Variants in FRMD4A observed in about 807,000 individuals in gnomAD.
FRMD4A encodes the protein FERM domain containing 4A, also known as FERM domain-containing protein 4A.
Under a neutral mutation model 129.1 loss-of-function variants are expected in FRMD4A, and 29 were observed. The observed-to-expected ratio is 0.22, with a 90% confidence interval of 0.17 to 0.31. FRMD4A has a LOEUF of 0.31. FRMD4A is among the 10% of genes least tolerant of loss of function. FRMD4A has a pLI of 1.00. For synonymous variants in FRMD4A, 634 were observed against 571.6 expected (o/e 1.11, Z -1.56); for missense variants, 1,272 against 1,375.8 (o/e 0.92, Z 1.19).
intron 2 of FRMD4A, among the ~76,000 whole-genome samples, chr10:14,103,767 T>C (rs901492178): frequency 3.3e-5 from 5 of 152,228 alleles, no homozygotes; most frequent in Middle Eastern, 3.2e-3. Flanking sequence ...GAGTCATTAT[T>C]GGAATAATTA....
At chr10:13,979,589 TTAACCTA>T (rs1243305303) in intron 2 of FRMD4A, among the ~76,000 whole-genome samples, 2 of 152,228 alleles carry the variant, frequency 1.3e-5, no homozygotes, top group Non-Finnish European at 2.9e-5. Flanking sequence ...ACACTTTGTT[TTAACCTA>T]TAACTTAAAT....
At chr10:14,196,004 T>C (rs1842461716) in intron 2 of FRMD4A, among the ~76,000 whole-genome samples, 1 of 152,168 alleles carries the variant, frequency 6.6e-6, no homozygotes, top group South Asian at 2.1e-4. Context: ...GAAAGATCAG[T>C]GGAGGCAGGA....
At chr10:14,287,083 T>C (rs1845703776) in intron 2 of FRMD4A, among the ~76,000 whole-genome samples, 1 of 152,124 alleles carries the variant, frequency 6.6e-6, no homozygotes, top group African/African-American at 2.4e-5. Flanking sequence ...TCTTCTGACT[T>C]CACCCACCAG....
intron 22 of FRMD4A, chr10:13,654,748 C>T (rs1438121134): frequency 2.7e-5 from 15 of 555,598 alleles, no homozygotes; most frequent in Non-Finnish European, 4.8e-5. Context: ...CTACCCACTA[C>T]CATGCACCTT....
At chr10:13,797,276 A>G (rs961865943) in intron 4 of FRMD4A, among the ~76,000 whole-genome samples, 1 of 152,230 alleles carries the variant, frequency 6.6e-6, no homozygotes, top group African/African-American at 2.4e-5. Flanking sequence ...ACTTGAAAAC[A>G]TGTTAGCAAT....
At chr10:14,165,550 G>C (rs910328556) in intron 2 of FRMD4A, among the ~76,000 whole-genome samples, 1 of 152,146 alleles carries the variant, frequency 6.6e-6, no homozygotes, top group African/African-American at 2.4e-5. Context: ...CTACCGAAAA[G>C]ACACATTTCT....
chr10:14,308,469 T>C (rs2132101167), intron 2 of FRMD4A, among the ~76,000 whole-genome samples: 1 of 152,344 alleles, frequency 6.6e-6, no homozygotes, highest in Non-Finnish European at 1.5e-5. Context: ...TCTGTTTCCA[T>C]AATTAGAAAA....
chr10:14,150,875 G>A (rs1840306626), intron 2 of FRMD4A, among the ~76,000 whole-genome samples: 1 of 152,134 alleles, frequency 6.6e-6, no homozygotes, highest in Admixed American at 6.5e-5. Context: ...CACCAAGGCA[G>A]GTTATCAATT....
At chr10:13,869,334 TGAAGA>T (rs2094412946) in intron 2 of FRMD4A, among the ~76,000 whole-genome samples, 1 of 152,212 alleles carries the variant, frequency 6.6e-6, no homozygotes, top group Non-Finnish European at 1.5e-5. Flanking sequence ...GGCATCTCGC[TGAAGA>T]GGAACTCCTA....
chr10:13,948,290 G>A (rs944165819), intron 2 of FRMD4A, among the ~76,000 whole-genome samples: 2 of 152,106 alleles, frequency 1.3e-5, no homozygotes, highest in African/African-American at 4.8e-5. Flanking sequence ...GGGCTCAAGC[G>A]ATCCTCCCTC....
At chr10:13,756,244 T>C (rs1158027771) in intron 8 of FRMD4A, 1 of 152,270 alleles carries the variant, frequency 6.6e-6, no homozygotes, top group Non-Finnish European at 1.5e-5. Flanking sequence ...TCTCTGTTAA[T>C]GTATGGACGA....
At chr10:14,096,139 G>C (rs575451780) in intron 2 of FRMD4A, among the ~76,000 whole-genome samples, 1 of 152,132 alleles carries the variant, frequency 6.6e-6, no homozygotes, top group African/African-American at 2.4e-5. Flanking sequence ...TGAGACTTTC[G>C]GGGCTGATTA....
intron 3 of FRMD4A, among the ~76,000 whole-genome samples, chr10:13,837,007 T>A (rs2093886783): frequency 6.6e-6 from 1 of 152,130 alleles, no homozygotes; most frequent in Admixed American, 6.5e-5. Context: ...TCTGCCTGCC[T>A]CAGCCTCTCA....
At chr10:13,971,593 C>G (rs1565139317) in intron 2 of FRMD4A, 2 of 978,676 alleles carry the variant, frequency 2.0e-6, no homozygotes, top group Admixed American at 2.3e-5. Flanking sequence ...ATGCCCCCTT[C>G]TCCACCATTC....
At chr10:13,974,956 GA>G (rs1185124112) in intron 2 of FRMD4A, among the ~76,000 whole-genome samples, 3 of 152,152 alleles carry the variant, frequency 2.0e-5, no homozygotes, top group African/African-American at 7.2e-5. Flanking sequence ...AAGGGATTTA[GA>G]AACCTCAGAG....
At chr10:14,257,647 C>T (rs1844663236) in intron 2 of FRMD4A, among the ~76,000 whole-genome samples, 1 of 152,132 alleles carries the variant, frequency 6.6e-6, no homozygotes, top group Non-Finnish European at 1.5e-5. Context: ...GACTGGTGTC[C>T]TTACAAGAAA....
intron 2 of FRMD4A, among the ~76,000 whole-genome samples, chr10:14,075,322 C>CA (rs1835523687): frequency 6.6e-6 from 1 of 152,244 alleles, no homozygotes; most frequent in East Asian, 1.9e-4. Flanking sequence ...CTAATGGATC[C>CA]AGACACATGT....
intron 2 of FRMD4A, among the ~76,000 whole-genome samples, chr10:14,297,076 A>C (rs1846033233): frequency 6.6e-6 from 1 of 151,970 alleles, no homozygotes; most frequent in African/African-American, 2.4e-5. Flanking sequence ...ACCAAAAACA[A>C]TCCTGCCAGA....
intron 2 of FRMD4A, among the ~76,000 whole-genome samples, chr10:14,106,531 T>C (rs1837596332): frequency 6.6e-6 from 1 of 152,240 alleles, no homozygotes; most frequent in Admixed American, 6.5e-5. Context: ...TTTATGCTGG[T>C]ATTTCCATTT....
Sources: allele counts gnomAD v4.1 joint callset (sites outside exome capture counted in the v4.1 genomes callset), GRCh38; gene constraint gnomAD v4.1.1; transcripts MANE v1.5; gene names NCBI Gene and HGNC (gene_info 2026-07-23, HGNC 2026-07-21).